The following IL34 variants were observed in gnomAD, a reference collection of about 807,000 sequenced individuals.
IL34 encodes the protein interleukin-34.
IL34 carries 17 observed loss-of-function variants against 25.3 expected under a neutral mutation model. The observed-to-expected ratio is 0.67, with a 90% CI of 0.46 to 1.01. IL34 has a LOEUF of 1.01. IL34 is among the 50% of genes least tolerant of loss of function. IL34 has a pLI of 0.00. For missense variants in IL34, 368 were observed against 312.9 expected (o/e 1.18, Z -1.33); for synonymous variants, 174 against 140.9 (o/e 1.23, Z -1.66).
At chr16:70,645,142 G>A (rs1018326384), upstream of IL34, among the ~76,000 whole-genome samples, 2 of 147,082 alleles carry the variant, frequency 1.4e-5, no homozygotes, top group Non-Finnish European at 3.0e-5. Flanking sequence ...GGAAGACGAG[G>A]AAGGAGGAGG....
At chr16:70,595,330 TCTC>T (rs1375846676) in intron 1 of IL34, among the ~76,000 whole-genome samples, 1 of 147,366 alleles carries the variant, frequency 6.8e-6, no homozygotes, top group Non-Finnish European at 1.5e-5. Context: ...TCTAATTCCT[TCTC>T]CTTCTTTTTC....
At chr16:70,628,039 C>G (rs1323930804) in intron 1 of IL34, among the ~76,000 whole-genome samples, 1 of 152,204 alleles carries the variant, frequency 6.6e-6, no homozygotes, top group Non-Finnish European at 1.5e-5. Flanking sequence ...AGATATGTGA[C>G]AATTTACCTT....
intron 1 of IL34, among the ~76,000 whole-genome samples, chr16:70,652,933 G>A (rs1313717298): frequency 6.6e-6 from 1 of 152,184 alleles, no homozygotes; most frequent in Non-Finnish European, 1.5e-5. Flanking sequence ...ACCGGGCATG[G>A]TGGCTCGTGC....
In IL34 at chr16:70,654,602, G is replaced by C; in HGVS notation, c.93G>C (p.Gln31His). The change falls in exon 2 of 6, where the codon CAG becomes CAC. Residue 31 changes from glutamine to histidine, a missense_variant. By Grantham distance (24) the Gln-to-His change is conservative. Coordinates refer to ENST00000288098, the MANE Select transcript of IL34 (RefSeq NM_001393494.1). ...NEPLEMWPLT[Q>H]NEECTVTGFL... is the part of the protein sequence containing the mutation. Reference sequence around the variant, plus strand: ...CTTTGGAGATGTGGCCCTTGACGCAGAATGAGGAGTGCACTGTCACGGGTT... The same window carrying C: ...CTTTGGAGATGTGGCCCTTGACGCACAATGAGGAGTGCACTGTCACGGGTT... 1 of 1,613,780 alleles carries C rather than the reference G, an allele frequency of 6.2e-7. No individual in the cohort carries two copies. Among genetic ancestry groups the C allele is most frequent in the Non-Finnish European group, 8.5e-7 (1 of 1,179,768 alleles).
At chr16:70,632,423 T>C (rs1340166171) in intron 1 of IL34, among the ~76,000 whole-genome samples, 1 of 152,200 alleles carries the variant, frequency 6.6e-6, no homozygotes, top group East Asian at 1.9e-4. Context: ...TGTAGGTGTT[T>C]AGCCTATAGG....
chr16:70,608,709 C>T (rs2051047485), intron 1 of IL34, among the ~76,000 whole-genome samples: 2 of 152,380 alleles, frequency 1.3e-5, no homozygotes, highest in Admixed American at 6.5e-5. Context: ...GCGACTGCTT[C>T]CCACAGCAGG....
intron 1 of IL34, among the ~76,000 whole-genome samples, chr16:70,581,210 C>T (rs2050632852): frequency 1.3e-5 from 2 of 152,188 alleles, no homozygotes; most frequent in Admixed American, 6.5e-5. Context: ...CCACGCCCGG[C>T]CAACTTTGCA....
chr16:70,649,452 A>T (rs1338336905), intron 1 of IL34, among the ~76,000 whole-genome samples: 1 of 152,116 alleles, frequency 6.6e-6, no homozygotes, highest in East Asian at 1.9e-4. Flanking sequence ...ACTGCTGAGC[A>T]TGTCTTTTGG....
chr16:70,618,352 G>A (rs910144808), intron 1 of IL34, among the ~76,000 whole-genome samples: 4 of 152,028 alleles, frequency 2.6e-5, no homozygotes, highest in Non-Finnish European at 5.9e-5. Context: ...GGAATAATGT[G>A]GGAGGCCGGA....
chr16:70,638,346 G>A lies in IL34; in HGVS notation c.-400-8202G>A, dbSNP rs570738275. Among the ~76,000 whole-genome samples the A allele has an allele frequency of 1.5e-4, 23 of 152,072 alleles. No individual in the cohort carries two copies. In the South Asian group the frequency reaches 3.7e-3, roughly 25 times the overall value. ...CTGTAAAACTTAGCTAGGCATGGTG[G>A]TGCACACCTATAGTCCCAGCAACTT... On this transcript the variant is annotated intron_variant, in intron 1 of 6. Transcript: ENST00000429149.
intron 1 of IL34, among the ~76,000 whole-genome samples, chr16:70,624,466 G>A (rs967289803): frequency 4.6e-5 from 7 of 152,082 alleles, no homozygotes; most frequent in Non-Finnish European, 7.4e-5. Flanking sequence ...ATTTAATGTC[G>A]GGAGCACATT....
chr16:70,594,682 G>C (rs1184999593), intron 1 of IL34, among the ~76,000 whole-genome samples: 1 of 152,114 alleles, frequency 6.6e-6, no homozygotes, highest in Non-Finnish European at 1.5e-5. Flanking sequence ...TTTCTGGGGA[G>C]GACTCTCTTC....
At chr16:70,622,011 C>T (rs1394993134) in intron 1 of IL34, among the ~76,000 whole-genome samples, 1 of 152,014 alleles carries the variant, frequency 6.6e-6, no homozygotes. Flanking sequence ...GGCGTATATA[C>T]GTGCAAGTCA....
chr16:70,606,626 T>G (rs2151823011), intron 1 of IL34, among the ~76,000 whole-genome samples: 1 of 152,238 alleles, frequency 6.6e-6, no homozygotes, highest in South Asian at 2.1e-4. Context: ...CTCGTTCTGT[T>G]GTCCAGGCTG....
At chr16:70,634,844 C>G (rs1051509930) in intron 1 of IL34, among the ~76,000 whole-genome samples, 2 of 152,116 alleles carry the variant, frequency 1.3e-5, no homozygotes, top group Non-Finnish European at 2.9e-5. Context: ...AGTGTGCACG[C>G]TTTTGTGTCT....
chr16:70,631,080 A>G (rs1390691607), intron 1 of IL34, among the ~76,000 whole-genome samples: 1 of 152,232 alleles, frequency 6.6e-6, no homozygotes, highest in Non-Finnish European at 1.5e-5. Context: ...GAAACTGAAG[A>G]TGCAAAATCC....
chr16:70,654,455 T>A, intron 1 of IL34, 83 bp from the exon 2 acceptor site: 1 of 1,494,484 alleles, frequency 6.7e-7, no homozygotes, highest in East Asian at 2.3e-5. Flanking sequence ...AAATGGATGA[T>A]GGTTGTGCTC....
At chr16:70,643,797 C>T (rs764448259), upstream of IL34, among the ~76,000 whole-genome samples, 6 of 150,178 alleles carry the variant, frequency 4.0e-5, no homozygotes, top group Non-Finnish European at 7.4e-5. Flanking sequence ...AACGTGGATT[C>T]TATATGAAAT....
intron 1 of IL34, among the ~76,000 whole-genome samples, chr16:70,594,559 G>C (rs1247908946): frequency 6.6e-6 from 1 of 152,156 alleles, no homozygotes; most frequent in South Asian, 2.1e-4. Flanking sequence ...TCCAAAGATT[G>C]TATGTGTATA....
Sources: allele counts gnomAD v4.1 joint callset (sites outside exome capture counted in the v4.1 genomes callset), GRCh38; gene constraint gnomAD v4.1.1; transcripts MANE v1.5; gene names NCBI Gene and HGNC (gene_info 2026-07-23, HGNC 2026-07-21).